The following GRIN2B variants were observed in gnomAD, a reference collection of about 807,000 sequenced individuals.
GRIN2B encodes glutamate receptor ionotropic, NMDA 2B.
Under a neutral mutation model 114.5 loss-of-function variants are expected in GRIN2B, and 5 were observed. The observed-to-expected ratio is 0.04, with a 90% confidence interval of 0.02 to 0.09. The LOEUF is 0.09. Among genes scored for constraint, GRIN2B ranks in the 10% least tolerant of loss-of-function variants. GRIN2B has a pLI of 1.00. For missense variants in GRIN2B, 1,108 were observed against 1,943.5 expected, an observed-to-expected ratio of 0.57 and a Z score of 8.08; for synonymous variants, 787 against 745.1, an observed-to-expected ratio of 1.06 and a Z score of -0.92.
chr12:13,787,658 G>A (rs543724323), intron 3 of GRIN2B, among the ~76,000 whole-genome samples: 16 of 152,292 alleles, frequency 1.1e-4, no homozygotes, highest in East Asian at 5.8e-4. Context: ...TATTATGGTC[G>A]TTTAAGCCTG....
intron 5 of GRIN2B, among the ~76,000 whole-genome samples, chr12:13,639,324 T>C (rs928981699): frequency 6.6e-6 from 1 of 152,086 alleles, no homozygotes; most frequent in Admixed American, 6.6e-5. Flanking sequence ...AATACAAAGA[T>C]TCTGCAGTGG....
At chr12:13,936,108 G>A (rs1867126012) in intron 2 of GRIN2B, among the ~76,000 whole-genome samples, 1 of 152,118 alleles carries the variant, frequency 6.6e-6, no homozygotes, top group African/African-American at 2.4e-5. Context: ...ATGAGTCCAA[G>A]ATGAGGTCCT....
intron 5 of GRIN2B, among the ~76,000 whole-genome samples, chr12:13,657,309 C>T (rs1027628761): frequency 6.6e-6 from 1 of 152,140 alleles, no homozygotes; most frequent in Non-Finnish European, 1.5e-5. Flanking sequence ...ATAGCTTTTC[C>T]ATGTTCTAAA....
At chr12:13,908,528 T>C (rs1407298874) in intron 2 of GRIN2B, among the ~76,000 whole-genome samples, 3 of 152,204 alleles carry the variant, frequency 2.0e-5, no homozygotes, top group Non-Finnish European at 4.4e-5. Context: ...TAGCAGATGA[T>C]GGATTTAAAT....
At chr12:13,970,417 G>C (rs12829989) in intron 2 of GRIN2B, among the ~76,000 whole-genome samples, 1 of 152,086 alleles carries the variant, frequency 6.6e-6, no homozygotes, top group Non-Finnish European at 1.5e-5. Flanking sequence ...AGAGGTGCTT[G>C]GATGGCAAGG....
At chr12:13,579,420 T>G (rs1188729352) in intron 10 of GRIN2B, among the ~76,000 whole-genome samples, 1 of 152,232 alleles carries the variant, frequency 6.6e-6, no homozygotes, top group African/African-American at 2.4e-5. Context: ...TTAACTTATC[T>G]GTGCCCCAGT....
In GRIN2B at chr12:13,615,046, C is replaced by T; in HGVS notation, c.1654+68G>A. Reference sequence around the variant, plus strand: ...AGCTGGAACAGCCTGGCCATGTGCTCCTTTTTTCCTTATTTCACTTCCCCA... The same window carrying T: ...AGCTGGAACAGCCTGGCCATGTGCTTCTTTTTTCCTTATTTCACTTCCCCA... On this transcript the variant is annotated intron_variant, in intron 8 of 13. Coordinates refer to ENST00000609686, the MANE Select transcript of GRIN2B (RefSeq NM_000834.5). The surrounding 1 kb of genome is among the most constrained non-coding windows in gnomAD (Gnocchi z 5.8). 1 of 1,402,496 alleles carries T rather than the reference C, an allele frequency of 7.1e-7. No individual in the cohort carries two copies. The highest frequency in any genetic ancestry group is 1.2e-5 in the South Asian group (1 of 86,562). 86.9% of individuals were successfully genotyped at this position (1,402,496 alleles called of 1,614,324 possible).
chr12:13,657,958 C>A (rs561721477), intron 5 of GRIN2B, among the ~76,000 whole-genome samples: 1 of 152,132 alleles, frequency 6.6e-6, no homozygotes, highest in Non-Finnish European at 1.5e-5. Context: ...GTAATCCTAG[C>A]CCTTTGGGAG....
At chr12:13,738,145 ACC>A (rs1863217992) in intron 4 of GRIN2B, among the ~76,000 whole-genome samples, 1 of 2,134 alleles carries the variant, frequency 4.7e-4, no homozygotes. Flanking sequence ...CTTGGCACTT[ACC>A]CTGTGTGTCT....
intron 3 of GRIN2B, among the ~76,000 whole-genome samples, chr12:13,784,571 C>T (rs767677517): frequency 2.0e-5 from 3 of 152,228 alleles, no homozygotes; most frequent in East Asian, 3.9e-4. Context: ...CCCCCCTGCC[C>T]CCTTGAAATG....
At chr12:13,871,227 T>C (rs1235640392) in intron 2 of GRIN2B, among the ~76,000 whole-genome samples, 2 of 152,110 alleles carry the variant, frequency 1.3e-5, no homozygotes, top group African/African-American at 4.8e-5. Context: ...GAATAGATGT[T>C]CTTTTTAAGT....
intron 3 of GRIN2B, among the ~76,000 whole-genome samples, chr12:13,796,517 G>A (rs1201666867): frequency 6.6e-6 from 1 of 152,108 alleles, no homozygotes; most frequent in Non-Finnish European, 1.5e-5. Flanking sequence ...AAGCTTTTAG[G>A]GCCATTTGAA....
chr12:13,558,359 G>A lies in GRIN2B; in HGVS notation c.*4424C>T, dbSNP rs1948498823. 6.6e-6 allele frequency: 1 copy of A among 151,788 alleles called. No individual in the cohort carries two copies. Among genetic ancestry groups the A allele is most frequent in the Admixed American group, 6.6e-5 (1 of 15,244 alleles). 9.4% of individuals were successfully genotyped at this position (151,788 alleles called of 1,614,324 possible). ...CAAGCAATGACAGGGCCTTTTTAGA[G>A]AGATGATGATTGAAAGAATAAAGTG... On this transcript the variant is annotated 3_prime_UTR_variant, in exon 14 of 14. Coordinates refer to ENST00000609686, the MANE Select transcript of GRIN2B (RefSeq NM_000834.5).
chr12:13,758,549 G>T (rs1005546002), intron 3 of GRIN2B, among the ~76,000 whole-genome samples: 1 of 152,166 alleles, frequency 6.6e-6, no homozygotes, highest in Admixed American at 6.6e-5. Context: ...AAAATTATAG[G>T]TTCTTAAAAT....
chr12:13,607,487 T>A (rs1453867491), intron 10 of GRIN2B, among the ~76,000 whole-genome samples: 4 of 114,296 alleles, frequency 3.5e-5, no homozygotes, highest in African/African-American at 1.4e-4. Context: ...ATATATAGTA[T>A]CTTTTCTCAA....
chr12:13,748,851 T>A (rs1268750486), intron 4 of GRIN2B, among the ~76,000 whole-genome samples: 1 of 152,358 alleles, frequency 6.6e-6, no homozygotes, highest in Non-Finnish European at 1.5e-5. Flanking sequence ...GAATTTCAGA[T>A]AAATAACAAA....
chr12:13,906,636 A>T (rs143779373), intron 2 of GRIN2B, among the ~76,000 whole-genome samples: 87 of 152,322 alleles, frequency 5.7e-4, no homozygotes, highest in African/African-American at 2.0e-3. Flanking sequence ...AATCAGACAA[A>T]ATCAATTCCA....
At chr12:13,860,039 T>G (rs1041677139) in intron 3 of GRIN2B, among the ~76,000 whole-genome samples, 1 of 152,116 alleles carries the variant, frequency 6.6e-6, no homozygotes, top group Admixed American at 6.5e-5. Flanking sequence ...ATGAGTAACA[T>G]GTAGCCATCT....
chr12:13,691,562 TC>T (rs11322644), intron 4 of GRIN2B, among the ~76,000 whole-genome samples: 23,393 of 152,128 alleles, frequency 0.15, 2,005 homozygotes, highest in South Asian at 0.18. Flanking sequence ...CCTTTTCCAG[TC>T]ATTACCAGGT....
Sources: gnomAD v4.1 joint callset for allele counts (sites outside exome capture counted in the v4.1 genomes callset) on GRCh38, gnomAD v4.1.1 for gene constraint, Gnocchi (gnomAD v3.1) non-coding constraint, MANE v1.5 for transcripts, NCBI Gene and HGNC (gene_info 2026-07-23, HGNC 2026-07-21) for gene names.